Variants in ZNF148 observed in about 807,000 individuals in gnomAD.
ZNF148 encodes the protein Beta-Enolase Repressor Factor-1.
A neutral mutation model predicts 67.7 loss-of-function variants in ZNF148; 7 were observed. The observed-to-expected ratio is 0.10, with a 90% CI of 0.06 to 0.19. ZNF148 has a LOEUF of 0.19. Ranked by LOEUF, ZNF148 falls within the 10% of genes least tolerant of loss-of-function variation. ZNF148 has a pLI of 1.00. For synonymous variants in ZNF148, 333 were observed against 330.7 expected (o/e 1.01, Z -0.08); for missense variants, 583 against 947.1 (o/e 0.62, Z 5.05).
chr3:125,336,964 C>T (rs1330806523), intron 1 of ZNF148, among the ~76,000 whole-genome samples: 3 of 149,428 alleles, frequency 2.0e-5, no homozygotes, highest in African/African-American at 7.4e-5. Context: ...TGTGAGCCAC[C>T]GCACCCAGCC....
chr3:125,371,321 C>T (rs1274242363), intron 1 of ZNF148, among the ~76,000 whole-genome samples: 2 of 127,508 alleles, frequency 1.6e-5, no homozygotes, highest in Admixed American at 1.9e-4. Flanking sequence ...ATGCGCACTG[C>T]ACTTCAGCCT....
At chr3:125,354,244 T>C (rs577794780) in intron 1 of ZNF148, among the ~76,000 whole-genome samples, 9 of 152,234 alleles carry the variant, frequency 5.9e-5, no homozygotes, top group African/African-American at 1.4e-4. Context: ...TCATATTGTC[T>C]TTTTGGAGAT....
At chr3:125,282,451 T>C (rs1002819573) in intron 5 of ZNF148, among the ~76,000 whole-genome samples, 8 of 152,184 alleles carry the variant, frequency 5.3e-5, no homozygotes, top group Non-Finnish European at 1.2e-4. Context: ...AGATGCTTTA[T>C]CTTGCCCCTT....
intron 1 of ZNF148, among the ~76,000 whole-genome samples, chr3:125,353,299 G>A (rs1359047575): frequency 6.6e-6 from 1 of 151,712 alleles, no homozygotes; most frequent in African/African-American, 2.4e-5. Flanking sequence ...GAATGGGGTG[G>A]GAACATAAAG....
chr3:125,311,059 C>A lies in ZNF148; in HGVS notation c.333+2249G>T, dbSNP rs990690883. ...CGGTGCCTATGATGATACAATACCA[C>A]CTATGGAGAAAGCTCTAGGGAAAAT... On this transcript the variant is annotated intron_variant, in intron 4 of 8. Coordinates refer to ENST00000360647, the MANE Select transcript of ZNF148 (RefSeq NM_021964.3). The A allele has an allele frequency of 2.4e-5, 5 of 208,524 alleles. No individual in the cohort carries two copies. In the East Asian group the frequency reaches 4.6e-4, roughly 19 times the overall value. 12.9% of individuals were successfully genotyped at this position (208,524 alleles called of 1,614,324 possible). A position where few individuals can be genotyped will look rare whatever the true frequency, so the allele number is the denominator to read the frequency against.
At chr3:125,317,973 A>G (rs1579790676) in intron 3 of ZNF148, among the ~76,000 whole-genome samples, 2 of 152,070 alleles carry the variant, frequency 1.3e-5, no homozygotes, top group East Asian at 3.8e-4. Context: ...TCATACCTCT[A>G]TCATATACCT....
At chr3:125,319,187 C>T (rs972816388) in intron 3 of ZNF148, among the ~76,000 whole-genome samples, 3 of 152,148 alleles carry the variant, frequency 2.0e-5, no homozygotes, top group African/African-American at 4.8e-5. Flanking sequence ...ATAGCTGACT[C>T]TTCTTGTGGT....
rs186742250 is a variant in ZNF148 at position 125,247,933 on chromosome 3, C to A, written c.668-13604G>T. Among the ~76,000 whole-genome samples, 240 of 152,236 alleles carry A rather than the reference C, an allele frequency of 1.6e-3. 1 individual carries two copies. Among genetic ancestry groups the A allele is most frequent in the Non-Finnish European group, 2.7e-3 (186 of 68,010 alleles). Reference sequence around the variant, plus strand: ...CAAAACAAAACAAAAAAACCATTGTCCTAATTCCAAAATAAGCTGAACACC... The same window carrying A: ...CAAAACAAAACAAAAAAACCATTGTACTAATTCCAAAATAAGCTGAACACC... On this transcript the variant is annotated intron_variant, in intron 7 of 8. Transcript: ENST00000360647.
intron 4 of ZNF148, among the ~76,000 whole-genome samples, chr3:125,293,594 G>A (rs928535377): frequency 1.5e-4 from 23 of 152,144 alleles, no homozygotes; most frequent in African/African-American, 5.6e-4. Context: ...GATGTCAAAA[G>A]GACATAAGAC....
intron 7 of ZNF148, among the ~76,000 whole-genome samples, chr3:125,242,407 G>T (rs1288771444): frequency 1.3e-5 from 2 of 152,188 alleles, no homozygotes; most frequent in Non-Finnish European, 2.9e-5. Context: ...GATCACCTGA[G>T]GTCAGGAGTT....
In ZNF148 at chr3:125,288,058, T is replaced by C. The variant is rs778215498; in HGVS notation, c.459+45A>G. The C allele has an allele frequency of 3.1e-6, 5 of 1,611,808 alleles. No homozygotes were observed. The Admixed American group carries it at 8.4e-5, about 27-fold the overall frequency. On this transcript the variant is annotated intron_variant, in intron 5 of 8. Transcript: ENST00000360647. ...TCTTGCCTATAGAATTAACCAACAG[T>C]TGGAATTAAGAGGTTGTGATTACCA... is the stretch of plus-strand genomic sequence containing the variant.
intron 3 of ZNF148, among the ~76,000 whole-genome samples, chr3:125,314,559 G>A (rs1257691379): frequency 6.6e-6 from 1 of 151,980 alleles, no homozygotes; most frequent in African/African-American, 2.4e-5. Flanking sequence ...CCTTTACTAA[G>A]GTTATCATTA....
intron 7 of ZNF148, among the ~76,000 whole-genome samples, chr3:125,265,407 T>C (rs955519874): frequency 6.6e-6 from 1 of 152,238 alleles, no homozygotes; most frequent in East Asian, 1.9e-4. Flanking sequence ...CAAAGGCTTC[T>C]GCATAAGCCA....
intron 4 of ZNF148, among the ~76,000 whole-genome samples, chr3:125,289,818 A>G (rs1200045224): frequency 1.3e-5 from 2 of 152,222 alleles, no homozygotes; most frequent in Non-Finnish European, 2.9e-5. Flanking sequence ...AAATTCATAA[A>G]TAAGTTCTGC....
At chr3:125,336,476 A>G (rs189127948) in intron 1 of ZNF148, among the ~76,000 whole-genome samples, 14 of 152,308 alleles carry the variant, frequency 9.2e-5, no homozygotes, top group Admixed American at 8.5e-4. Flanking sequence ...CAATGCAAAG[A>G]ACAGACGTAT....
At chr3:125,279,098 C>G (rs780774212) in intron 6 of ZNF148, 26 bp downstream of exon 6, 2 of 1,574,870 alleles carry the variant, frequency 1.3e-6, no homozygotes, top group African/African-American at 2.7e-5. Context: ...TTAATGGCCA[C>G]AAGCCCATTT....
intron 1 of ZNF148, among the ~76,000 whole-genome samples, chr3:125,333,150 C>T (rs1219854840): frequency 6.6e-6 from 1 of 152,170 alleles, no homozygotes; most frequent in Non-Finnish European, 1.5e-5. Flanking sequence ...GAAATCTTAA[C>T]ATTCCGTTGA....
intron 7 of ZNF148, among the ~76,000 whole-genome samples, chr3:125,255,943 T>A (rs1937054103): frequency 6.6e-6 from 1 of 152,108 alleles, no homozygotes; most frequent in African/African-American, 2.4e-5. Context: ...TTAAAAAAAA[T>A]TTAACCTGCT....
At chr3:125,289,347 G>A (rs1378813414) in intron 4 of ZNF148, among the ~76,000 whole-genome samples, 1 of 152,170 alleles carries the variant, frequency 6.6e-6, no homozygotes, top group Non-Finnish European at 1.5e-5. Context: ...AAAATAAAAA[G>A]TGGAAGTTCT....
Sources: allele counts gnomAD v4.1 joint callset (sites outside exome capture counted in the v4.1 genomes callset), GRCh38; gene constraint gnomAD v4.1.1; transcripts MANE v1.5; gene names NCBI Gene and HGNC (gene_info 2026-07-23, HGNC 2026-07-21).